Variants in ZDHHC14 observed in about 807,000 individuals in gnomAD.
ZDHHC14 encodes the protein palmitoyltransferase ZDHHC14.
A neutral mutation model predicts 47.7 loss-of-function variants in ZDHHC14; 16 were observed. That is an observed-to-expected ratio of 0.34 (90% confidence interval 0.23 to 0.51). ZDHHC14 has a LOEUF of 0.51. Among genes scored for constraint, ZDHHC14 ranks in the 20% least tolerant of loss-of-function variants. The pLI is 0.97. For synonymous variants in ZDHHC14, 293 were observed against 278.9 expected, an observed-to-expected ratio of 1.05 and a Z score of -0.50; for missense variants, 515 against 662.5, an observed-to-expected ratio of 0.78 and a Z score of 2.44.
intron 3 of ZDHHC14, among the ~76,000 whole-genome samples, chr6:157,596,880 A>G (rs933690748): frequency 3.9e-5 from 6 of 152,182 alleles, no homozygotes; most frequent in African/African-American, 1.4e-4. Context: ...GCTCCCAAGT[A>G]ACTGATTACA....
intron 1 of ZDHHC14, among the ~76,000 whole-genome samples, chr6:157,383,882 T>G (rs1468959093): frequency 6.6e-6 from 1 of 152,144 alleles, no homozygotes. Flanking sequence ...TGGGCCCCCA[T>G]TGAGAGCAGC....
At chr6:157,564,460 G>T (rs1227399380) in intron 2 of ZDHHC14, among the ~76,000 whole-genome samples, 1 of 152,220 alleles carries the variant, frequency 6.6e-6, no homozygotes, top group Admixed American at 6.5e-5. Context: ...TTTAAAATAT[G>T]TAGAAATTGG....
intron 1 of ZDHHC14, among the ~76,000 whole-genome samples, chr6:157,461,472 G>GT (rs1168201720): frequency 6.6e-6 from 1 of 152,186 alleles, no homozygotes; most frequent in Admixed American, 6.5e-5. Flanking sequence ...TGAACGCATT[G>GT]TACGTGTACA....
chr6:157,400,753 C>G (rs1777619881), intron 1 of ZDHHC14, among the ~76,000 whole-genome samples: 1 of 152,200 alleles, frequency 6.6e-6, no homozygotes, highest in Non-Finnish European at 1.5e-5. Context: ...CTATGAAATG[C>G]AAATAGCAGA....
At chr6:157,430,806 G>T (rs1778324585) in intron 1 of ZDHHC14, among the ~76,000 whole-genome samples, 1 of 152,216 alleles carries the variant, frequency 6.6e-6, no homozygotes, top group East Asian at 1.9e-4. Flanking sequence ...TCAATCACTG[G>T]TGGCCCTGCC....
At chr6:157,485,247 G>A (rs949268542) in intron 1 of ZDHHC14, among the ~76,000 whole-genome samples, 2 of 152,220 alleles carry the variant, frequency 1.3e-5, no homozygotes, top group East Asian at 1.9e-4. Context: ...GGGGGTGCCT[G>A]TGGTGCCCTG....
chr6:157,584,882 A>C (rs735756), intron 2 of ZDHHC14, among the ~76,000 whole-genome samples: 55,300 of 151,972 alleles, frequency 0.36, 10,343 homozygotes, highest in East Asian at 0.57. Flanking sequence ...ACTCTTTCAA[A>C]ATGCTTGTGT....
intron 1 of ZDHHC14, among the ~76,000 whole-genome samples, chr6:157,479,003 G>A (rs183794700): frequency 1.9e-3 from 289 of 152,286 alleles, no homozygotes; most frequent in Non-Finnish European, 3.6e-3. Flanking sequence ...GGTCCGCGGG[G>A]AGACATAATG....
In ZDHHC14 at chr6:157,463,129, C is replaced by T. The variant is rs141500866; in HGVS notation, c.246-79456C>T. Among the ~76,000 whole-genome samples the T allele has an allele frequency of 1.2e-3, 180 of 152,222 alleles. No individual in the cohort carries two copies. The highest frequency in any genetic ancestry group is 4.2e-3 in the African/African-American group (175 of 41,506). The stretch of plus-strand genomic sequence containing the variant: ...GAGTTGTTGGCTATTCAGACATGCA[C>T]GTGAGGCAGCTGGAAATGAGATCCT... On this transcript the variant is annotated intron_variant, in intron 1 of 8. Transcript: ENST00000359775. This position sits in a 1 kb window ranked among gnomAD's most constrained non-coding sequence, Gnocchi z 4.4.
At chr6:157,455,827 T>C (rs1221568120) in intron 1 of ZDHHC14, among the ~76,000 whole-genome samples, 1 of 152,220 alleles carries the variant, frequency 6.6e-6, no homozygotes, top group African/African-American at 2.4e-5. Context: ...CAGTTAGTTT[T>C]AGAAAGGAAA....
intron 1 of ZDHHC14, among the ~76,000 whole-genome samples, chr6:157,394,869 A>G (rs1777490403): frequency 6.6e-6 from 1 of 152,118 alleles, no homozygotes; most frequent in Admixed American, 6.5e-5. Context: ...GACCAACAAC[A>G]CTAAAGTTAC....
At chr6:157,564,459 T>G (rs1020846901) in intron 2 of ZDHHC14, among the ~76,000 whole-genome samples, 4 of 152,228 alleles carry the variant, frequency 2.6e-5, no homozygotes, top group Admixed American at 1.3e-4. Flanking sequence ...TTTTAAAATA[T>G]GTAGAAATTG....
At chr6:157,585,586 C>T (rs934795300) in intron 2 of ZDHHC14, among the ~76,000 whole-genome samples, 17 of 152,198 alleles carry the variant, frequency 1.1e-4, no homozygotes, top group Admixed American at 9.2e-4. Context: ...GAAAAAGTTT[C>T]TTTGTGCCAA....
chr6:157,495,308 C>T (rs1408055912), intron 1 of ZDHHC14, among the ~76,000 whole-genome samples: 2 of 152,108 alleles, frequency 1.3e-5, no homozygotes, highest in Non-Finnish European at 2.9e-5. Flanking sequence ...TACAAGCCTT[C>T]TGCCTTTCCT....
chr6:157,608,506 G>T (rs1334288040), intron 3 of ZDHHC14, among the ~76,000 whole-genome samples: 1 of 152,208 alleles, frequency 6.6e-6, no homozygotes, highest in African/African-American at 2.4e-5. Flanking sequence ...TGGTCAGCCA[G>T]GCACAGAGAG....
chr6:157,481,110 C>T (rs1562442510), intron 1 of ZDHHC14, among the ~76,000 whole-genome samples: 1 of 152,178 alleles, frequency 6.6e-6, no homozygotes, highest in East Asian at 1.9e-4. Context: ...ATAACATTAT[C>T]TCTAGCTCTG....
At chr6:157,479,534 G>T (rs903172886) in intron 1 of ZDHHC14, among the ~76,000 whole-genome samples, 2 of 152,158 alleles carry the variant, frequency 1.3e-5, no homozygotes, top group African/African-American at 4.8e-5. Flanking sequence ...TTTCTGAAGT[G>T]CCCTTGCAGG....
intron 1 of ZDHHC14, among the ~76,000 whole-genome samples, chr6:157,409,780 A>T (rs1450041775): frequency 6.6e-6 from 1 of 151,342 alleles, no homozygotes; most frequent in Non-Finnish European, 1.5e-5. Flanking sequence ...GCATGAGGAG[A>T]GGTTGGTCTT....
chr6:157,410,846 G>A (rs1220937837), intron 1 of ZDHHC14, among the ~76,000 whole-genome samples: 7 of 151,962 alleles, frequency 4.6e-5, no homozygotes, highest in East Asian at 3.9e-4. Flanking sequence ...ACAGGCACAC[G>A]CCACCACACC....
Sources: allele counts gnomAD v4.1 joint callset (sites outside exome capture counted in the v4.1 genomes callset), GRCh38; gene constraint gnomAD v4.1.1; non-coding constraint Gnocchi (gnomAD v3.1); transcripts MANE v1.5; gene names NCBI Gene and HGNC (gene_info 2026-07-23, HGNC 2026-07-21).